The following KYAT1 variants were observed in gnomAD, a reference collection of about 807,000 sequenced individuals.
The protein encoded by KYAT1 is kynurenine aminotransferase 1, also known as kynurenine--oxoglutarate transaminase 1.
A neutral mutation model predicts 52.4 loss-of-function variants in KYAT1; 47 were observed. That is an observed-to-expected ratio of 0.90 (90% CI 0.71 to 1.14). The LOEUF is 1.14. Among genes scored for constraint, KYAT1 ranks in the 50% most tolerant of loss-of-function variants. The probability of loss-of-function intolerance (pLI) is 0.00; values close to 1 mark genes in which losing one functional copy is unlikely to be tolerated. For synonymous variants in KYAT1, 212 were observed against 209.6 expected (o/e 1.01, Z -0.10); for missense variants, 480 against 557.9 (o/e 0.86, Z 1.41).
chr9:128,882,392 C>T (rs1264676990), upstream of KYAT1: 2 of 255,542 alleles, frequency 7.8e-6, no homozygotes, highest in Non-Finnish European at 1.5e-5. Flanking sequence ...GGACCTCCCG[C>T]GGTGTTCGGC....
At chr9:128,868,325 C>T (rs568468091) in intron 1 of KYAT1, among the ~76,000 whole-genome samples, 1 of 152,018 alleles carries the variant, frequency 6.6e-6, no homozygotes, top group African/African-American at 2.4e-5. Flanking sequence ...CCACCTCGGC[C>T]TCCCAAAGTG....
intron 1 of KYAT1, among the ~76,000 whole-genome samples, chr9:128,873,496 G>A (rs1442639030): frequency 2.6e-5 from 4 of 152,044 alleles, no homozygotes; most frequent in African/African-American, 9.7e-5. Context: ...TGGGCCAGGC[G>A]CGATGGCTCA....
At chr9:128,837,950 TGGCTTC>T in intron 5 of KYAT1, 95 bp downstream of exon 5, 1 of 1,493,694 alleles carries the variant, frequency 6.7e-7, no homozygotes, top group Non-Finnish European at 9.3e-7. Flanking sequence ...TTAGAGGAAC[TGGCTTC>T]CTTCACTTCT....
chr9:128,866,296 G>T (rs767923775), intron 1 of KYAT1, among the ~76,000 whole-genome samples: 1 of 152,172 alleles, frequency 6.6e-6, no homozygotes, highest in Non-Finnish European at 1.5e-5. Flanking sequence ...ATATAAATGG[G>T]AAATTCACAA....
At chr9:128,876,064 C>T (rs564488168) in intron 1 of KYAT1, among the ~76,000 whole-genome samples, 23 of 152,146 alleles carry the variant, frequency 1.5e-4, no homozygotes, top group South Asian at 2.1e-4. Context: ...CGTTTGGAGC[C>T]GGCTGGAATC....
intron 1 of KYAT1, among the ~76,000 whole-genome samples, chr9:128,861,988 T>C (rs1411229647): frequency 6.6e-6 from 1 of 152,188 alleles, no homozygotes; most frequent in Non-Finnish European, 1.5e-5. Context: ...GATTTCACCC[T>C]ACCGGGACCC....
At chr9:128,841,629 G>A (rs972825702) in intron 3 of KYAT1, among the ~76,000 whole-genome samples, 1 of 150,598 alleles carries the variant, frequency 6.6e-6, no homozygotes, top group African/African-American at 2.4e-5. Flanking sequence ...CTGGGAGGGG[G>A]AGGTTGCAGT....
intron 11 of KYAT1, chr9:128,835,089 A>G (rs943201749): frequency 3.9e-6 from 2 of 519,192 alleles, no homozygotes; most frequent in African/African-American, 3.9e-5. Flanking sequence ...GTGAGCCAAG[A>G]TCGCGCCACT....
intron 1 of KYAT1, among the ~76,000 whole-genome samples, chr9:128,851,827 A>G (rs990502636): frequency 1.3e-5 from 2 of 152,254 alleles, no homozygotes; most frequent in African/African-American, 4.8e-5. Context: ...AATCAATTAC[A>G]GGAGGTAATA....
intron 1 of KYAT1, among the ~76,000 whole-genome samples, chr9:128,861,152 C>A (rs1835414172): frequency 6.6e-6 from 1 of 152,206 alleles, no homozygotes; most frequent in Non-Finnish European, 1.5e-5. Flanking sequence ...TAGTTTGTTA[C>A]AACAGCCTTA....
chr9:128,842,929 G>T, intron 2 of KYAT1, 128 bp from the exon 3 acceptor site: 1 of 845,100 alleles, frequency 1.2e-6, no homozygotes, highest in Non-Finnish European at 1.8e-6. Context: ...CACTTTGGGA[G>T]GCCGAGGTGG....
intron 1 of KYAT1, among the ~76,000 whole-genome samples, chr9:128,874,676 C>T (rs1258426255): frequency 6.7e-6 from 1 of 150,368 alleles, no homozygotes; most frequent in East Asian, 2.0e-4. Flanking sequence ...TGTGAAATAT[C>T]TCTGGGAGTT....
At chr9:128,875,739 C>T (rs1022345636) in intron 1 of KYAT1, among the ~76,000 whole-genome samples, 12 of 152,214 alleles carry the variant, frequency 7.9e-5, no homozygotes, top group African/African-American at 2.9e-4. Context: ...TGCCGAGGAC[C>T]CTTCTGGGGT....
Position 128,875,249 on chromosome 9 carries a change from T to G in KYAT1, c.-7+6648A>C, listed in dbSNP as rs201954256. 4.8e-4 allele frequency among the ~76,000 whole-genome samples: 59 copies of G among 121,744 alleles called. No individual in the cohort carries two copies. The South Asian group carries it at 5.1e-3, about 11-fold the overall frequency. The allele number at this position is 121,744 out of a possible 152,430, so 79.9% of individuals were successfully genotyped here. ...TTTATGTTCAATTTGTTTTTTTTTG[T>G]TTTTTTTTTTTTTTTGGTTTTTGTT... is the stretch of plus-strand genomic sequence containing the variant. On this transcript the variant is annotated intron_variant, in intron 1 of 12. Coordinates refer to ENST00000302586, the MANE Select transcript of KYAT1 (RefSeq NM_004059.5).
chr9:128,868,996 G>A (rs989731180), intron 1 of KYAT1, among the ~76,000 whole-genome samples: 1 of 151,940 alleles, frequency 6.6e-6, no homozygotes, highest in Non-Finnish European at 1.5e-5. Context: ...GAGCCACTGT[G>A]CCTGGCCAAT....
chr9:128,874,355 A>C (rs897207759), intron 1 of KYAT1, among the ~76,000 whole-genome samples: 2 of 149,152 alleles, frequency 1.3e-5, no homozygotes, highest in East Asian at 4.2e-4. Flanking sequence ...TTTGTTGCCA[A>C]GGCTGGAGTG....
chr9:128,862,995 TTTTGTG>T, intron 1 of KYAT1, among the ~76,000 whole-genome samples: 1 of 152,044 alleles, frequency 6.6e-6, no homozygotes, highest in Non-Finnish European at 1.5e-5. Context: ...CGGCTAATTT[TTTTGTG>T]TGTCTTTAGT....
At chr9:128,876,961 C>T (rs767288375) in intron 1 of KYAT1, among the ~76,000 whole-genome samples, 4 of 151,818 alleles carry the variant, frequency 2.6e-5, no homozygotes, top group Admixed American at 6.6e-5. Context: ...TGTAATGGCA[C>T]GATCTCGGCT....
At chr9:128,834,180 C>A (rs1830591593) in intron 11 of KYAT1, among the ~76,000 whole-genome samples, 1 of 152,074 alleles carries the variant, frequency 6.6e-6, no homozygotes, top group South Asian at 2.1e-4. Context: ...ATTGCTTGAA[C>A]CCGGGGGTGG....
Sources: allele counts gnomAD v4.1 joint callset (sites outside exome capture counted in the v4.1 genomes callset), GRCh38; gene constraint gnomAD v4.1.1; transcripts MANE v1.5; gene names NCBI Gene and HGNC (gene_info 2026-07-23, HGNC 2026-07-21).